The following ITSN1 variants were observed in gnomAD, a reference collection of about 807,000 sequenced individuals.
ITSN1 encodes intersectin 1.
ITSN1 carries 58 observed loss-of-function variants against 239.8 expected under a neutral mutation model. The observed-to-expected ratio is 0.24, with a 90% CI of 0.20 to 0.30. The LOEUF is 0.30. ITSN1 is among the 10% of genes least tolerant of loss of function. The pLI is 1.00. For missense variants in ITSN1, 1,558 were observed against 2,103.3 expected (o/e 0.74, Z 5.07); for synonymous variants, 780 against 770.8 (o/e 1.01, Z -0.20).
At chr21:33,817,390 CCTT>C (rs2073357120) in intron 22 of ITSN1, 1 of 1,304,434 alleles carries the variant, frequency 7.7e-7, no homozygotes, top group South Asian at 1.2e-5. Flanking sequence ...CTGTCAAAGT[CCTT>C]CTCATCCTTC....
At chr21:33,670,794 C>G (rs1468052095) in intron 1 of ITSN1, among the ~76,000 whole-genome samples, 2 of 152,166 alleles carry the variant, frequency 1.3e-5, no homozygotes, top group African/African-American at 2.4e-5. Flanking sequence ...CACATGCTCA[C>G]TAGGTCAGGT....
At chr21:33,743,872 A>C (rs2067016998) in intron 5 of ITSN1, among the ~76,000 whole-genome samples, 1 of 152,232 alleles carries the variant, frequency 6.6e-6, no homozygotes, top group Non-Finnish European at 1.5e-5. Context: ...AGAACAAGCC[A>C]AGGATTTTGT....
intron 31 of ITSN1, among the ~76,000 whole-genome samples, chr21:33,864,242 T>G (rs541594016): frequency 2.6e-5 from 4 of 152,216 alleles, no homozygotes; most frequent in Non-Finnish European, 4.4e-5. Flanking sequence ...TTATACCATT[T>G]TGTTCCATCT....
intron 1 of ITSN1, among the ~76,000 whole-genome samples, chr21:33,675,552 G>A (rs1030719583): frequency 1.3e-5 from 2 of 152,066 alleles, no homozygotes; most frequent in African/African-American, 4.8e-5. Context: ...GGGCGACAGA[G>A]CGAGACTCTG....
At chr21:33,669,612 T>C (rs1394867578) in intron 1 of ITSN1, among the ~76,000 whole-genome samples, 1 of 152,012 alleles carries the variant, frequency 6.6e-6, no homozygotes, top group Non-Finnish European at 1.5e-5. Context: ...GCTAATTTAT[T>C]TGTATTTTTA....
At chr21:33,874,532 C>T (rs1437388404) in intron 33 of ITSN1, among the ~76,000 whole-genome samples, 1 of 152,170 alleles carries the variant, frequency 6.6e-6, no homozygotes, top group African/African-American at 2.4e-5. Context: ...TGTATGTTCC[C>T]CAAGTGAGTG....
At chr21:33,693,582 C>G (rs999918248) in intron 1 of ITSN1, among the ~76,000 whole-genome samples, 1 of 152,192 alleles carries the variant, frequency 6.6e-6, no homozygotes, top group Non-Finnish European at 1.5e-5. Context: ...GTCTTGAACT[C>G]CTGACCTCAG....
chr21:33,733,391 A>G (rs971295893), intron 4 of ITSN1, among the ~76,000 whole-genome samples: 1 of 152,174 alleles, frequency 6.6e-6, no homozygotes, highest in African/African-American at 2.4e-5. Flanking sequence ...CCTACCCATA[A>G]TTATTGGTTT....
At chr21:33,661,198 T>G (rs1477470052) in intron 1 of ITSN1, among the ~76,000 whole-genome samples, 2 of 150,818 alleles carry the variant, frequency 1.3e-5, no homozygotes, top group African/African-American at 2.5e-5. Flanking sequence ...ATAATCATAG[T>G]TTTTTTTGGT....
chr21:33,769,328 C>T lies in ITSN1; in HGVS notation c.1042+1500C>T, dbSNP rs149750480. ...CCTTCAACAGCCGTTTATTATATGC[C>T]TCCTACATACTAGGAATATTGCCAG... On this transcript the variant is annotated intron_variant, in intron 11 of 39. Transcript: ENST00000381318. Among the ~76,000 whole-genome samples the T allele has an allele frequency of 3.3e-5, 5 of 152,228 alleles. No homozygotes were observed. In the East Asian group the frequency reaches 9.6e-4, roughly 29 times the overall value.
chr21:33,871,658 T>G (rs902287954), intron 33 of ITSN1, among the ~76,000 whole-genome samples: 1 of 151,906 alleles, frequency 6.6e-6, no homozygotes, highest in Admixed American at 6.6e-5. Context: ...GGAGAATTGC[T>G]TAAACCCACG....
chr21:33,880,291 A>G (rs761892139), intron 34 of ITSN1, among the ~76,000 whole-genome samples: 1 of 152,178 alleles, frequency 6.6e-6, no homozygotes, highest in Non-Finnish European at 1.5e-5. Flanking sequence ...ATCTTGGCCA[A>G]TTAGAGGCTT....
intron 25 of ITSN1, among the ~76,000 whole-genome samples, chr21:33,825,339 A>C (rs527529568): frequency 4.1e-4 from 62 of 152,286 alleles, no homozygotes; most frequent in South Asian, 2.9e-3. Context: ...TGAAAAAAAA[A>C]CCTGAAAACT....
chr21:33,883,475 G>A lies in ITSN1; in HGVS notation c.4555-75G>A. On this transcript the variant is annotated intron_variant, in intron 35 of 39. Transcript: ENST00000381318. ...TACTAGAACACATTGGCATAAGTGT[G>A]CTCACACACTCACGGTTTACCGGAG... 8.9e-6 allele frequency: 14 copies of A among 1,580,474 alleles called. No individual in the cohort carries two copies. The South Asian group carries it at 1.6e-4, about 18-fold the overall frequency.
At chr21:33,785,191 T>C (rs1324959567) in intron 16 of ITSN1, among the ~76,000 whole-genome samples, 2 of 152,208 alleles carry the variant, frequency 1.3e-5, no homozygotes, top group African/African-American at 4.8e-5. Context: ...ATTTTAAAAT[T>C]AGTTGATCAG....
At chr21:33,843,235 A>G (rs569085706) in intron 29 of ITSN1, among the ~76,000 whole-genome samples, 95 of 152,330 alleles carry the variant, frequency 6.2e-4, no homozygotes, top group African/African-American at 2.2e-3. Context: ...ATGTGTGTCC[A>G]TAATAGCCCC....
chr21:33,671,786 C>T lies in ITSN1; in HGVS notation c.-33+29073C>T, dbSNP rs571076995. On this transcript the variant is annotated intron_variant, in intron 1 of 39. Coordinates refer to ENST00000381318, the MANE Select transcript of ITSN1 (RefSeq NM_003024.3). The stretch of plus-strand genomic sequence containing the variant: ...CAGTCTGGGCGACAAAGCGAGACTC[C>T]GTCTCAAATAAATAAATAAATAAAT... Among the ~76,000 whole-genome samples, 21 of 151,636 alleles carry T rather than the reference C, an allele frequency of 1.4e-4. No individual in the cohort carries two copies. In the South Asian group the frequency reaches 1.7e-3, roughly 12 times the overall value.
chr21:33,838,673 C>G (rs1322593979), intron 29 of ITSN1, among the ~76,000 whole-genome samples: 1 of 152,134 alleles, frequency 6.6e-6, no homozygotes, highest in Admixed American at 6.5e-5. Flanking sequence ...CCTCCCTCTC[C>G]CCGTGCTCTC....
chr21:33,703,873 G>C (rs1485924932), intron 1 of ITSN1, among the ~76,000 whole-genome samples: 2 of 152,190 alleles, frequency 1.3e-5, no homozygotes, highest in East Asian at 3.8e-4. Flanking sequence ...TTTTCCGTGT[G>C]TTGTCTCCTC....
Sources: allele counts gnomAD v4.1 joint callset (sites outside exome capture counted in the v4.1 genomes callset), GRCh38; gene constraint gnomAD v4.1.1; transcripts MANE v1.5; gene names NCBI Gene and HGNC (gene_info 2026-07-23, HGNC 2026-07-21).